The following ENOX1 variants were observed in gnomAD, a reference collection of about 807,000 sequenced individuals.
The protein encoded by ENOX1 is candidate growth-related and time keeping constitutive hydroquinone (NADH) oxidase.
Under a neutral mutation model 82.5 loss-of-function variants are expected in ENOX1, and 42 were observed. That is an observed-to-expected ratio of 0.51 (90% CI 0.40 to 0.66). The LOEUF (loss-of-function observed/expected upper bound fraction) is 0.66, where lower values mean the gene tolerates loss of function less well. ENOX1 is among the 30% of genes least tolerant of loss of function. The pLI, the probability that ENOX1 is intolerant of heterozygous loss-of-function variation, is 0.00. For missense variants in ENOX1, 608 were observed against 811.6 expected, an observed-to-expected ratio of 0.75 and a Z score of 3.05; for synonymous variants, 271 against 282.2, an observed-to-expected ratio of 0.96 and a Z score of 0.40.
At chr13:43,300,815 T>A (rs540546202) in intron 11 of ENOX1, among the ~76,000 whole-genome samples, 1 of 152,210 alleles carries the variant, frequency 6.6e-6, no homozygotes, top group African/African-American at 2.4e-5. Context: ...ATAAAGGAGA[T>A]TTCATTTGGT....
chr13:43,277,556 T>C (rs1566402737), intron 12 of ENOX1, among the ~76,000 whole-genome samples: 2 of 152,190 alleles, frequency 1.3e-5, no homozygotes, highest in Admixed American at 6.5e-5. Context: ...TGAAGGACCC[T>C]GCTGCACCCT....
At chr13:43,419,832 G>A (rs752305984) in intron 3 of ENOX1, among the ~76,000 whole-genome samples, 25 of 152,048 alleles carry the variant, frequency 1.6e-4, no homozygotes, top group African/African-American at 2.4e-4. Flanking sequence ...TTAGCCGGGC[G>A]TGGTGACGTG....
intron 3 of ENOX1, among the ~76,000 whole-genome samples, chr13:43,427,385 T>C (rs7996427): frequency 0.99 from 150,872 of 152,332 alleles, 74,736 homozygotes; most frequent in East Asian, 1. Context: ...CAGAAGGCTA[T>C]TCCTTTGGAT....
intron 12 of ENOX1, among the ~76,000 whole-genome samples, chr13:43,297,775 C>T (rs2046357047): frequency 6.6e-6 from 1 of 152,174 alleles, no homozygotes. Context: ...CACTCTTCAA[C>T]AAAAACACAG....
chr13:43,614,522 C>T lies in ENOX1; in HGVS notation c.-219+52957G>A, dbSNP rs1047166541. 5.4e-5 allele frequency among the ~76,000 whole-genome samples: 8 copies of T among 147,182 alleles called. No individual in the cohort carries two copies. The East Asian group carries it at 1.6e-3, about 30-fold the overall frequency. On this transcript the variant is annotated intron_variant, in intron 2 of 16. Transcript: ENST00000690772. ...ACAGTCTGCCTACTTTCCCCATAAACATTTCCCCAAAATAAAGGGCTTTTT... is the reference window on the plus strand; with the variant it reads ...ACAGTCTGCCTACTTTCCCCATAAATATTTCCCCAAAATAAAGGGCTTTTT...
chr13:43,635,683 C>T (rs1391283823), intron 2 of ENOX1, among the ~76,000 whole-genome samples: 3 of 151,984 alleles, frequency 2.0e-5, no homozygotes. Flanking sequence ...TTGTCAGCTA[C>T]TCATAGGCAG....
intron 2 of ENOX1, among the ~76,000 whole-genome samples, chr13:43,588,763 T>C: frequency 6.6e-6 from 1 of 152,242 alleles, no homozygotes; most frequent in East Asian, 1.9e-4. Context: ...GTGATGCCAA[T>C]GTGGCAGATG....
intron 2 of ENOX1, among the ~76,000 whole-genome samples, chr13:43,537,188 C>A (rs2078498610): frequency 6.6e-6 from 1 of 152,166 alleles, no homozygotes; most frequent in Admixed American, 6.6e-5. Flanking sequence ...CGTTGGCACT[C>A]ATCCACTGAT....
At chr13:43,522,380 T>C (rs910847605) in intron 2 of ENOX1, among the ~76,000 whole-genome samples, 2 of 152,088 alleles carry the variant, frequency 1.3e-5, no homozygotes, top group African/African-American at 4.8e-5. Context: ...TTACTCATAA[T>C]AAAGAAAAAT....
chr13:43,563,284 A>G (rs77176649), intron 2 of ENOX1, among the ~76,000 whole-genome samples: 5,206 of 152,276 alleles, frequency 0.034, 260 homozygotes, highest in African/African-American at 0.11. Context: ...ATGCTTCTGA[A>G]TAACTAGTGG....
intron 2 of ENOX1, among the ~76,000 whole-genome samples, chr13:43,596,522 T>C (rs2081480768): frequency 6.6e-6 from 1 of 152,256 alleles, no homozygotes; most frequent in African/African-American, 2.4e-5. Context: ...TCCTATATTT[T>C]TGAGTCACTC....
chr13:43,754,264 TACAC>T (rs200368478), intron 1 of ENOX1, among the ~76,000 whole-genome samples: 1 of 148,012 alleles, frequency 6.8e-6, no homozygotes, highest in African/African-American at 2.5e-5. Flanking sequence ...TATACATATA[TACAC>T]ACACACATAT....
chr13:43,450,473 C>A (rs962812191), intron 3 of ENOX1, among the ~76,000 whole-genome samples: 3 of 152,084 alleles, frequency 2.0e-5, no homozygotes, highest in Non-Finnish European at 2.9e-5. Flanking sequence ...CATGCCAGAC[C>A]ACACTGGGCT....
At chr13:43,631,955 A>G (rs1228402086) in intron 2 of ENOX1, among the ~76,000 whole-genome samples, 3 of 152,220 alleles carry the variant, frequency 2.0e-5, no homozygotes, top group African/African-American at 7.2e-5. Flanking sequence ...GACAAACAGC[A>G]GTAACTTTAC....
chr13:43,216,259 G>A (rs1566256297), intron 16 of ENOX1, among the ~76,000 whole-genome samples: 1 of 152,150 alleles, frequency 6.6e-6, no homozygotes, highest in Non-Finnish European at 1.5e-5. Context: ...GCCTCAAGCT[G>A]TGTGACTTTG....
At chr13:43,262,969 C>T (rs1417364030) in intron 14 of ENOX1, among the ~76,000 whole-genome samples, 2 of 152,180 alleles carry the variant, frequency 1.3e-5, no homozygotes, top group African/African-American at 4.8e-5. Context: ...GTCTGAAGGC[C>T]TCGTCTCTTT....
chr13:43,228,469 C>T (rs1010335694), intron 15 of ENOX1, among the ~76,000 whole-genome samples: 4 of 152,158 alleles, frequency 2.6e-5, no homozygotes, highest in Non-Finnish European at 5.9e-5. Flanking sequence ...GGGCTTTTTG[C>T]ACATCTCAGA....
intron 2 of ENOX1, among the ~76,000 whole-genome samples, chr13:43,561,840 C>T (rs772365933): frequency 6.6e-6 from 1 of 151,930 alleles, no homozygotes; most frequent in Non-Finnish European, 1.5e-5. Context: ...ATTAGCCAGG[C>T]GTGATGGTGT....
At chr13:43,270,031 T>C (rs2044597736) in intron 12 of ENOX1, among the ~76,000 whole-genome samples, 3 of 152,218 alleles carry the variant, frequency 2.0e-5, no homozygotes, top group Non-Finnish European at 2.9e-5. Context: ...TCTGTTATGA[T>C]GGTGATGTTT....
Sources: allele counts gnomAD v4.1 joint callset (sites outside exome capture counted in the v4.1 genomes callset), GRCh38; gene constraint gnomAD v4.1.1; transcripts MANE v1.5; gene names NCBI Gene and HGNC (gene_info 2026-07-23, HGNC 2026-07-21).